Variants in FRAS1 observed in about 807,000 individuals in gnomAD.
FRAS1 encodes the protein extracellular matrix organizing protein FRAS1.
A neutral mutation model predicts 435.2 loss-of-function variants in FRAS1; 290 were observed. That is an observed-to-expected ratio of 0.67 (90% CI 0.61 to 0.73). FRAS1 has a LOEUF of 0.73. FRAS1 is among the 30% of genes least tolerant of loss of function. FRAS1 has a pLI of 0.00. For synonymous variants in FRAS1, 1,800 were observed against 1,851.0 expected (o/e 0.97, Z 0.71); for missense variants, 4,860 against 5,001.5 (o/e 0.97, Z 0.85).
chr4:78,535,980 T>G (rs922931654), intron 71 of FRAS1, among the ~76,000 whole-genome samples: 5 of 152,178 alleles, frequency 3.3e-5, no homozygotes, highest in African/African-American at 1.2e-4. Flanking sequence ...AGATTTGTGC[T>G]AATTCCAAAA....
intron 2 of FRAS1, among the ~76,000 whole-genome samples, chr4:78,125,086 G>T (rs1259810205): frequency 6.6e-6 from 1 of 152,150 alleles, no homozygotes; most frequent in Non-Finnish European, 1.5e-5. Flanking sequence ...ATGTTAGTGT[G>T]TCAGTTTTAG....
intron 2 of FRAS1, among the ~76,000 whole-genome samples, chr4:78,194,770 C>T (rs990286567): frequency 2.0e-5 from 3 of 152,194 alleles, no homozygotes; most frequent in African/African-American, 7.2e-5. Flanking sequence ...CTTCTCTCAA[C>T]TTGTCAAAGT....
chr4:78,069,940 C>T (rs188796631), intron 2 of FRAS1, among the ~76,000 whole-genome samples: 3 of 152,238 alleles, frequency 2.0e-5, no homozygotes, highest in Admixed American at 6.5e-5. Context: ...CTATTTCTCA[C>T]AACCAAGTCA....
chr4:78,313,545 A>G (rs72657053), intron 15 of FRAS1, among the ~76,000 whole-genome samples: 39,359 of 152,090 alleles, frequency 0.26, 6,027 homozygotes, highest in Non-Finnish European at 0.35. Context: ...GCCAACCAGC[A>G]TAGAAAAGAT....
intron 73 of FRAS1, among the ~76,000 whole-genome samples, chr4:78,540,225 G>A (rs1416209740): frequency 6.6e-6 from 1 of 152,088 alleles, no homozygotes; most frequent in East Asian, 1.9e-4. Context: ...TATCAATAAA[G>A]ACAGACAAAT....
intron 45 of FRAS1, among the ~76,000 whole-genome samples, chr4:78,450,783 A>G (rs1718995577): frequency 1.3e-5 from 2 of 152,174 alleles, no homozygotes; most frequent in African/African-American, 2.4e-5. Flanking sequence ...GGAGCTGCCT[A>G]GGGGAAATTA....
intron 50 of FRAS1, among the ~76,000 whole-genome samples, chr4:78,469,232 G>C (rs1342720550): frequency 6.6e-6 from 1 of 152,242 alleles, no homozygotes; most frequent in Non-Finnish European, 1.5e-5. Context: ...AAGGTGGCTT[G>C]TGGGAGATTG....
intron 16 of FRAS1, among the ~76,000 whole-genome samples, 176 bp downstream of exon 16, chr4:78,315,910 T>C (rs1429197109): frequency 6.6e-6 from 1 of 152,204 alleles, no homozygotes; most frequent in East Asian, 1.9e-4. Context: ...GTGGGAGATA[T>C]GGGTGGATGC....
chr4:78,518,444 ATATATATATTTATT>A (rs1306748507), intron 66 of FRAS1, among the ~76,000 whole-genome samples: 14 of 132,688 alleles, frequency 1.1e-4, no homozygotes, highest in Non-Finnish European at 1.1e-4. Context: ...ATATATATAT[ATATATATATTTATT>A]TATTTATTTA....
intron 2 of FRAS1, among the ~76,000 whole-genome samples, chr4:78,183,486 G>T (rs1448276344): frequency 6.6e-6 from 1 of 152,160 alleles, no homozygotes; most frequent in Admixed American, 6.5e-5. Context: ...TCAGGAATGT[G>T]CTCACAGTGT....
intron 6 of FRAS1, among the ~76,000 whole-genome samples, chr4:78,258,991 A>C (rs1456368370): frequency 7.3e-6 from 1 of 137,232 alleles, no homozygotes; most frequent in Non-Finnish European, 1.6e-5. Flanking sequence ...TTTACTGATA[A>C]TGATGATTTC....
At chr4:78,507,376 T>C in intron 61 of FRAS1, 45 bp from the exon 62 acceptor site, 3 of 1,548,116 alleles carry the variant, frequency 1.9e-6, no homozygotes, top group East Asian at 2.3e-5. Flanking sequence ...TGGGTGTGTT[T>C]CCTAATGAAG....
At chr4:78,528,004 A>G (rs1721597558) in intron 70 of FRAS1, among the ~76,000 whole-genome samples, 1 of 152,148 alleles carries the variant, frequency 6.6e-6, no homozygotes, top group Non-Finnish European at 1.5e-5. Flanking sequence ...AGAGGCAGGC[A>G]GTGAATCAAT....
Position 78,540,520 on chromosome 4 carries a change from T to A in FRAS1, c.11446-11T>A. ...GGGCAACAACAACATGTTCGGTTTG[T>A]CCCCCTGCAGGTGGAAGCAGGACAC... On this transcript the variant is annotated splice_polypyrimidine_tract_variant and intron_variant, in intron 73 of 73. Transcript: ENST00000512123. 1 of 1,481,092 alleles carries A rather than the reference T, an allele frequency of 6.8e-7. No individual in the cohort carries two copies. The highest frequency in any genetic ancestry group is 9.0e-7 in the Non-Finnish European group (1 of 1,111,484). The allele number at this position is 1,481,092 out of a possible 1,614,324, so 91.7% of individuals were successfully genotyped here.
intron 18 of FRAS1, among the ~76,000 whole-genome samples, chr4:78,332,744 C>T (rs560777457): frequency 2.1e-3 from 326 of 152,294 alleles, no homozygotes; most frequent in Non-Finnish European, 3.8e-3. Context: ...CAGTAGCTTG[C>T]TTGGGTGTCT....
At chr4:78,301,833 G>GC (rs1456469917) in intron 14 of FRAS1, among the ~76,000 whole-genome samples, 1 of 143,614 alleles carries the variant, frequency 7.0e-6, no homozygotes, top group Non-Finnish European at 1.5e-5. Flanking sequence ...TGTACTTCTG[G>GC]CCCACAGAAA....
chr4:78,315,860 G>C, intron 16 of FRAS1, 126 bp downstream of exon 16: 1 of 1,056,594 alleles, frequency 9.5e-7, no homozygotes, highest in Admixed American at 2.1e-5. Flanking sequence ...TTAAAAGATA[G>C]CTTTTTTCAT....
chr4:78,201,473 G>T (rs1290750584), intron 2 of FRAS1, among the ~76,000 whole-genome samples: 1 of 152,144 alleles, frequency 6.6e-6, no homozygotes, highest in Non-Finnish European at 1.5e-5. Flanking sequence ...AGAAACCCAT[G>T]GGTCATGCCC....
At chr4:78,516,162 C>T in intron 66 of FRAS1, 149 bp downstream of exon 66, 1 of 620,340 alleles carries the variant, frequency 1.6e-6, no homozygotes. Flanking sequence ...CAAGCAAGAT[C>T]TTGGCAGCAC....
Sources: gnomAD v4.1 joint callset for allele counts (sites outside exome capture counted in the v4.1 genomes callset) on GRCh38, gnomAD v4.1.1 for gene constraint, MANE v1.5 for transcripts, NCBI Gene and HGNC (gene_info 2026-07-23, HGNC 2026-07-21) for gene names.